The following PAX5 variants were observed in gnomAD, a reference collection of about 807,000 sequenced individuals.
PAX5 encodes the protein paired box 5.
A neutral mutation model predicts 43.7 loss-of-function variants in PAX5; 9 were observed. The ratio of observed to expected loss-of-function variants is 0.21; its 90% CI spans 0.12 to 0.36. The LOEUF (loss-of-function observed/expected upper bound fraction) is 0.36. PAX5 is among the 10% of genes least tolerant of loss of function. PAX5 has a pLI of 1.00. For synonymous variants in PAX5, 228 were observed against 214.3 expected (o/e 1.06, Z -0.56); for missense variants, 383 against 532.7 (o/e 0.72, Z 2.77).
At position 36,965,322 on chromosome 9, in the gene PAX5, G is replaced by A. The variant is rs530847055; in HGVS notation, c.780+1227C>T. Among the ~76,000 whole-genome samples the A allele has an allele frequency of 3.3e-5, 5 of 152,322 alleles. No individual in the cohort carries two copies. The South Asian group carries it at 1.0e-3, about 32-fold the overall frequency. ...GTTCACTGATGTGACCCAGTGCATG[G>A]CTCCAGGCCTTGCACAAAGTAAACA... On this transcript the variant is annotated intron_variant, in intron 6 of 9. Coordinates refer to ENST00000358127, the MANE Select transcript of PAX5 (RefSeq NM_016734.3).
chr9:37,030,149 A>G (rs1318323844), intron 1 of PAX5, among the ~76,000 whole-genome samples: 6 of 152,226 alleles, frequency 3.9e-5, no homozygotes, highest in Middle Eastern at 6.8e-3. Context: ...GCTGCGTGGC[A>G]CACACAGGAC....
intron 5 of PAX5, among the ~76,000 whole-genome samples, chr9:36,976,551 G>A (rs1458265744): frequency 1.3e-5 from 2 of 152,158 alleles, no homozygotes; most frequent in African/African-American, 2.4e-5. Context: ...TCCCTTGGTA[G>A]CCTGGAACAA....
intron 7 of PAX5, among the ~76,000 whole-genome samples, chr9:36,911,168 C>A (rs1397539297): frequency 6.6e-6 from 1 of 152,186 alleles, no homozygotes; most frequent in Non-Finnish European, 1.5e-5. Flanking sequence ...CAAATTTATT[C>A]TGTGTTTACT....
At chr9:36,910,798 G>A (rs1346939989) in intron 7 of PAX5, among the ~76,000 whole-genome samples, 1 of 152,178 alleles carries the variant, frequency 6.6e-6, no homozygotes, top group African/African-American at 2.4e-5. Flanking sequence ...ACCCCGCGCT[G>A]TGTGAAGAGT....
At chr9:37,003,134 GC>G (rs1253802401) in intron 4 of PAX5, among the ~76,000 whole-genome samples, 3 of 147,448 alleles carry the variant, frequency 2.0e-5, no homozygotes, top group African/African-American at 7.6e-5. Flanking sequence ...GGGAGCCGGG[GC>G]CCACCAACAG....
At chr9:36,942,012 T>C (rs1196260236) in intron 6 of PAX5, among the ~76,000 whole-genome samples, 2 of 152,244 alleles carry the variant, frequency 1.3e-5, no homozygotes, top group African/African-American at 4.8e-5. Flanking sequence ...CTCGATCAAG[T>C]GCTAGTCACT....
At chr9:36,933,914 T>C (rs552696142) in intron 6 of PAX5, among the ~76,000 whole-genome samples, 36 of 152,044 alleles carry the variant, frequency 2.4e-4, no homozygotes, top group South Asian at 2.1e-3. Context: ...ACCAAATCCA[T>C]TGGGGCCCTT....
intron 8 of PAX5, among the ~76,000 whole-genome samples, chr9:36,848,915 C>T (rs1025670531): frequency 2.0e-5 from 3 of 152,232 alleles, no homozygotes; most frequent in Non-Finnish European, 2.9e-5. Flanking sequence ...AAACAGCTCC[C>T]AATTCCTTCA....
intron 8 of PAX5, among the ~76,000 whole-genome samples, chr9:36,864,001 C>A (rs1281516502): frequency 6.6e-6 from 1 of 152,132 alleles, no homozygotes; most frequent in Non-Finnish European, 1.5e-5. Flanking sequence ...CCCAGCTACT[C>A]GGGAGGCTGA....
At position 36,838,174 on chromosome 9, in the gene PAX5, C is replaced by G; in HGVS notation, c.*2386G>C. The G allele has an allele frequency of 4.3e-6, 1 of 233,384 alleles. No individual in the cohort carries two copies. Among genetic ancestry groups the G allele is most frequent in the Non-Finnish European group, 8.5e-6 (1 of 118,170 alleles). The allele number at this position is 233,384 out of a possible 1,614,324, so 14.5% of individuals were successfully genotyped here. On this transcript the variant is annotated 3_prime_UTR_variant, in exon 10 of 10. Coordinates refer to ENST00000358127, the MANE Select transcript of PAX5 (RefSeq NM_016734.3). The stretch of plus-strand genomic sequence containing the variant: ...GCCCCAACTACCTCCCTTCTTTGCC[C>G]CGCAGGTTCTGGGTGGGGGCGGGGG...
In PAX5 at chr9:36,839,910, G is replaced by A. The variant is rs753233624; in HGVS notation, c.*650C>T. On this transcript the variant is annotated 3_prime_UTR_variant, in exon 10 of 10. Transcript: ENST00000358127. ...TCCTCTTGGAGAGGGGCCTCAGGGG[G>A]AGCCTGCAGCACAACCAGCCCAGTG... 3.8e-5 allele frequency: 9 copies of A among 234,716 alleles called. No individual in the cohort carries two copies. Among genetic ancestry groups the A allele is most frequent in the Non-Finnish European group, 6.7e-5 (8 of 119,032 alleles). The allele number at this position is 234,716 out of a possible 1,614,324, so 14.5% of individuals were successfully genotyped here.
intron 5 of PAX5, among the ~76,000 whole-genome samples, chr9:36,975,073 TG>T (rs1179243036): frequency 2.0e-5 from 3 of 152,250 alleles, no homozygotes; most frequent in Non-Finnish European, 4.4e-5. Flanking sequence ...CCCTTTCTTC[TG>T]GGTGTCCTCA....
intron 4 of PAX5, among the ~76,000 whole-genome samples, chr9:37,004,661 T>C (rs1272575423): frequency 6.6e-6 from 1 of 152,230 alleles, no homozygotes; most frequent in Non-Finnish European, 1.5e-5. Context: ...AATAGATTTA[T>C]GCAAATCCCA....
chr9:37,020,889 C>T lies in PAX5; in HGVS notation c.47-88G>A, dbSNP rs1839791085. Reference sequence around the variant, plus strand: ...GCACCGCTGTGAGGACCCAGAGCCCCTCTGATCACAAATGGCCGGCAGGCT... The same window carrying T: ...GCACCGCTGTGAGGACCCAGAGCCCTTCTGATCACAAATGGCCGGCAGGCT... On this transcript the variant is annotated intron_variant, in intron 1 of 9. Coordinates refer to ENST00000358127, the MANE Select transcript of PAX5 (RefSeq NM_016734.3). The T allele has an allele frequency of 2.8e-6, 4 of 1,418,134 alleles. No homozygotes were observed. The East Asian group carries it at 9.2e-5, about 33-fold the overall frequency. 87.8% of individuals were successfully genotyped at this position (1,418,134 alleles called of 1,614,324 possible). A position where few individuals can be genotyped will look rare whatever the true frequency, so the allele number is the denominator to read the frequency against.
At chr9:36,895,946 TACAGCCAGCCCTGGACTAGGAGTCAGAAA>T (rs1233511464) in intron 7 of PAX5, among the ~76,000 whole-genome samples, 1 of 152,012 alleles carries the variant, frequency 6.6e-6, no homozygotes. Flanking sequence ...CCCATGGAGG[TACAGCCAGCCCTGGACTAGGAGTCAGAAA>T]ACCCCGCACT....
intron 5 of PAX5, among the ~76,000 whole-genome samples, chr9:36,986,518 C>T (rs1399733004): frequency 6.6e-6 from 1 of 152,154 alleles, no homozygotes; most frequent in Non-Finnish European, 1.5e-5. Flanking sequence ...GGGCGCCGCG[C>T]TCAGCCTTCT....
At chr9:36,848,350 C>CCACACACACACA (rs55793420) in intron 8 of PAX5, among the ~76,000 whole-genome samples, 57,157 of 136,172 alleles carry the variant, frequency 0.42, 13,322 homozygotes, top group East Asian at 0.65. Flanking sequence ...CAGAGCGTGT[C>CCACACACACACA]CACACACACA....
At chr9:36,987,504 C>G (rs541457033) in intron 5 of PAX5, among the ~76,000 whole-genome samples, 49 of 152,250 alleles carry the variant, frequency 3.2e-4, no homozygotes, top group Non-Finnish European at 5.4e-4. Context: ...GCGTCCTGCT[C>G]TCTCTGGTGC....
At chr9:36,863,281 A>G (rs1000094846) in intron 8 of PAX5, among the ~76,000 whole-genome samples, 2 of 152,146 alleles carry the variant, frequency 1.3e-5, no homozygotes, top group African/African-American at 4.8e-5. Context: ...TTTATTTTTT[A>G]GAAACAGGGT....
Sources: gnomAD v4.1 joint callset for allele counts (sites outside exome capture counted in the v4.1 genomes callset) on GRCh38, gnomAD v4.1.1 for gene constraint, MANE v1.5 for transcripts, NCBI Gene and HGNC (gene_info 2026-07-23, HGNC 2026-07-21) for gene names.